PRKCH: variants seen among roughly 807,000 people sequenced by gnomAD.
PRKCH encodes the protein protein kinase C eta, also known as protein kinase C eta type.
A neutral mutation model predicts 82.5 loss-of-function variants in PRKCH; 28 were observed. The observed-to-expected ratio is 0.34, with a 90% CI of 0.25 to 0.47. PRKCH has a LOEUF of 0.47. Ranked by LOEUF, PRKCH falls within the 20% of genes least tolerant of loss-of-function variation. The pLI, the probability that PRKCH is intolerant of heterozygous loss-of-function variation, is 1.00. For synonymous variants in PRKCH, 322 were observed against 327.4 expected (o/e 0.98, Z 0.18); for missense variants, 705 against 881.8 (o/e 0.80, Z 2.54).
chr14:61,212,023 A>G (rs1167110207), intron 1 of PRKCH, among the ~76,000 whole-genome samples: 3 of 152,144 alleles, frequency 2.0e-5, no homozygotes, highest in African/African-American at 7.2e-5. Flanking sequence ...TTCAAATCTC[A>G]TAATCCCTCC....
At chr14:61,545,712 C>G (rs182456694) in intron 12 of PRKCH, among the ~76,000 whole-genome samples, 607 of 152,334 alleles carry the variant, frequency 4.0e-3, no homozygotes, top group Non-Finnish European at 7.1e-3. Context: ...AAGGGTTATT[C>G]TGCCTGTCCC....
chr14:61,471,159 T>C, intron 9 of PRKCH, among the ~76,000 whole-genome samples: 1 of 152,344 alleles, frequency 6.6e-6, no homozygotes, highest in East Asian at 1.9e-4. Context: ...TAGCAGCAGA[T>C]CTGGTGAGGG....
intron 1 of PRKCH, among the ~76,000 whole-genome samples, chr14:61,269,658 C>T (rs1055081746): frequency 4.6e-5 from 7 of 152,222 alleles, no homozygotes; most frequent in Admixed American, 2.0e-4. Context: ...CTACTATTTA[C>T]ATGCACATAC....
At chr14:61,467,645 A>C (rs1885319863) in intron 9 of PRKCH, among the ~76,000 whole-genome samples, 1 of 152,368 alleles carries the variant, frequency 6.6e-6, no homozygotes, top group South Asian at 2.1e-4. Context: ...CTTTACAGGC[A>C]TGGGAATTCT....
intron 2 of PRKCH, among the ~76,000 whole-genome samples, chr14:61,416,769 T>G (rs10151341): frequency 6.6e-6 from 1 of 152,040 alleles, no homozygotes; most frequent in Non-Finnish European, 1.5e-5. Flanking sequence ...TAGCTTTCTG[T>G]TGGGGAGAGA....
intron 10 of PRKCH, among the ~76,000 whole-genome samples, chr14:61,516,055 C>T (rs1384909183): frequency 6.6e-6 from 1 of 152,170 alleles, no homozygotes; most frequent in Non-Finnish European, 1.5e-5. Context: ...TAAAACTAAA[C>T]TCGGCTAATC....
At chr14:61,474,979 A>G (rs1428401360) in intron 9 of PRKCH, among the ~76,000 whole-genome samples, 1 of 152,194 alleles carries the variant, frequency 6.6e-6, no homozygotes, top group Non-Finnish European at 1.5e-5. Context: ...CATAGTCTCT[A>G]CTTCTCTAAC....
chr14:61,540,212 C>T (rs2043164831), intron 12 of PRKCH, among the ~76,000 whole-genome samples: 1 of 152,172 alleles, frequency 6.6e-6, no homozygotes, highest in South Asian at 2.1e-4. Flanking sequence ...CTTCTCAGCC[C>T]TTCTCCTTCC....
intron 1 of PRKCH, among the ~76,000 whole-genome samples, chr14:61,204,957 G>A (rs964705982): frequency 6.6e-6 from 1 of 152,046 alleles, no homozygotes; most frequent in Non-Finnish European, 1.5e-5. Context: ...TCCATACTTA[G>A]TAAGTTCTTC....
intron 1 of PRKCH, among the ~76,000 whole-genome samples, chr14:61,335,438 G>A (rs1436892178): frequency 6.6e-6 from 1 of 152,118 alleles, no homozygotes; most frequent in Non-Finnish European, 1.5e-5. Flanking sequence ...TAATTGCATT[G>A]TAGTGGTATA....
chr14:61,343,377 G>C (rs72728016), intron 1 of PRKCH, among the ~76,000 whole-genome samples: 1 of 98,038 alleles, frequency 1.0e-5, no homozygotes, highest in African/African-American at 3.4e-5. Flanking sequence ...AAAAAAAAAG[G>C]AAAAACAGAC....
chr14:61,210,122 A>G (rs1303118794), intron 1 of PRKCH, among the ~76,000 whole-genome samples: 1 of 25,652 alleles, frequency 3.9e-5, no homozygotes, highest in African/African-American at 2.6e-4. Context: ...ATATATATAT[A>G]TATATATATA....
chr14:61,523,226 A>G (rs1172177438), intron 10 of PRKCH, among the ~76,000 whole-genome samples: 6 of 152,256 alleles, frequency 3.9e-5, no homozygotes, highest in Non-Finnish European at 8.8e-5. Flanking sequence ...AGGACTCTGT[A>G]AAATCCATTG....
chr14:61,506,714 G>T (rs971718559), intron 10 of PRKCH, among the ~76,000 whole-genome samples: 1 of 152,136 alleles, frequency 6.6e-6, no homozygotes, highest in Non-Finnish European at 1.5e-5. Context: ...ATGGTCACTG[G>T]CTCTTCTTGA....
At chr14:61,219,895 G>A (rs530467811) in intron 1 of PRKCH, among the ~76,000 whole-genome samples, 1 of 152,210 alleles carries the variant, frequency 6.6e-6, no homozygotes, top group African/African-American at 2.4e-5. Flanking sequence ...AAAGGAGTCA[G>A]AAGGCTCAAG....
At chr14:61,407,648 G>A (rs545085135) in intron 2 of PRKCH, among the ~76,000 whole-genome samples, 1 of 152,118 alleles carries the variant, frequency 6.6e-6, no homozygotes, top group Admixed American at 6.5e-5. Context: ...CCTCTTTCTC[G>A]GGTGTTGGAC....
At chr14:61,232,888 T>C (rs1250599793) in intron 1 of PRKCH, among the ~76,000 whole-genome samples, 6 of 152,130 alleles carry the variant, frequency 3.9e-5, no homozygotes, top group African/African-American at 1.4e-4. Flanking sequence ...TTGCCAACCG[T>C]CAGTCAACTC....
chr14:61,457,378 T>C, intron 8 of PRKCH, 59 bp downstream of exon 8: 4 of 1,598,326 alleles, frequency 2.5e-6, no homozygotes, highest in Non-Finnish European at 2.6e-6. Flanking sequence ...ATGGGGGGTG[T>C]GTGTGTGTGT....
intron 10 of PRKCH, among the ~76,000 whole-genome samples, chr14:61,501,168 C>G (rs1003015461): frequency 1.3e-5 from 2 of 152,102 alleles, no homozygotes; most frequent in African/African-American, 4.8e-5. Context: ...ATGTGGCTTG[C>G]TTATTCCAGT....
Sources: allele counts gnomAD v4.1 joint callset (sites outside exome capture counted in the v4.1 genomes callset), GRCh38; gene constraint gnomAD v4.1.1; transcripts MANE v1.5; gene names NCBI Gene and HGNC (gene_info 2026-07-23, HGNC 2026-07-21).